The following USP3 variants were observed in gnomAD, a reference collection of about 807,000 sequenced individuals.
The protein encoded by USP3 is ubiquitin specific peptidase 3, also known as ubiquitin carboxyl-terminal hydrolase 3.
In USP3, 20 loss-of-function variants were observed where a neutral mutation model predicts 72.3. The ratio of observed to expected loss-of-function variants is 0.28; its 90% CI spans 0.19 to 0.40. The LOEUF is 0.40. USP3 is among the 10% of genes least tolerant of loss of function. The pLI is 1.00. For synonymous variants in USP3, 222 were observed against 225.3 expected (o/e 0.99, Z 0.13); for missense variants, 479 against 633.9 (o/e 0.76, Z 2.62).
intron 2 of USP3, among the ~76,000 whole-genome samples, chr15:63,536,809 G>A (rs1295811187): frequency 2.6e-5 from 4 of 151,352 alleles, no homozygotes; most frequent in African/African-American, 7.3e-5. Context: ...AGCCAAGATC[G>A]TGCCACTGCA....
chr15:63,588,672 A>C lies in USP3; in HGVS notation c.1216-30A>C, dbSNP rs772509054. The C allele has an allele frequency of 4.8e-5, 74 of 1,531,566 alleles. No individual in the cohort carries two copies. Among genetic ancestry groups the C allele is most frequent in the Admixed American group, 6.9e-5 (4 of 58,088 alleles). The allele number at this position is 1,531,566 out of a possible 1,614,324, so 94.9% of individuals were successfully genotyped here. A position where few individuals can be genotyped will look rare whatever the true frequency, so the allele number is the denominator to read the frequency against. ...TGACTGAAAGGTAAATTAGGTGTTCACAATCTTTGACCGCATCTCTGTCCT... is the reference window on the plus strand; with the variant it reads ...TGACTGAAAGGTAAATTAGGTGTTCCCAATCTTTGACCGCATCTCTGTCCT... On this transcript the variant is annotated intron_variant, in intron 12 of 14. Transcript: ENST00000380324. This position sits in a 1 kb window ranked among gnomAD's most constrained non-coding sequence, Gnocchi z 4.6.
intron 11 of USP3, among the ~76,000 whole-genome samples, chr15:63,577,942 A>C (rs934114111): frequency 2.0e-5 from 3 of 151,776 alleles, no homozygotes; most frequent in African/African-American, 7.3e-5. Flanking sequence ...AAAAAAAAAA[A>C]AAAAGTCCAA....
In USP3 at chr15:63,544,059, A is replaced by AG. The variant is rs2066284487; in HGVS notation, c.284+6905dup. The stretch of plus-strand genomic sequence containing the variant: ...ACACTGTCTTTAAAAAAAAAAAAAA[A>AG]GGAAATTAGTTTAATAATAGTATGA... On this transcript the variant is annotated intron_variant, in intron 3 of 14. Transcript: ENST00000380324. The surrounding 1 kb of genome is among the most constrained non-coding windows in gnomAD (Gnocchi z 4.2). Among the ~76,000 whole-genome samples the AG allele has an allele frequency of 6.6e-6, 1 of 151,262 alleles. No individual in the cohort carries two copies. Among genetic ancestry groups the AG allele is most frequent in the African/African-American group, 2.4e-5 (1 of 41,256 alleles).
rs1337578261 is a variant in USP3, at chr15:63,594,368, G to A, written c.*3542G>A. 6.6e-6 allele frequency: 1 copy of A among 152,288 alleles called. No individual in the cohort carries two copies. The highest frequency in any genetic ancestry group is 1.5e-5 in the Non-Finnish European group (1 of 68,112). The allele number at this position is 152,288 out of a possible 1,614,324, so 9.4% of individuals were successfully genotyped here. ...GTGAGGAAGGAGAAGTGGGCATGTG[G>A]TGTCATCTGTAGTCCAAGGTCTCTG... On this transcript the variant is annotated 3_prime_UTR_variant, in exon 15 of 15. Transcript: ENST00000380324.
At chr15:63,546,271 C>T (rs952717206) in intron 3 of USP3, among the ~76,000 whole-genome samples, 1 of 152,118 alleles carries the variant, frequency 6.6e-6, no homozygotes, top group African/African-American at 2.4e-5. Context: ...TTTTCAAATA[C>T]TATGGATTTC....
intron 1 of USP3, 194 bp from the exon 2 acceptor site, chr15:63,532,453 G>T: frequency 1.6e-6 from 1 of 636,306 alleles, no homozygotes; most frequent in South Asian, 1.9e-5. Flanking sequence ...CGCTGTTGTG[G>T]ACATGCATTT....
Position 63,588,232 on chromosome 15 carries a change from G to A in USP3, c.1097-73G>A, listed in dbSNP as rs2067114740. ...TAATAAAGCTGAGATTTTAAACCTG[G>A]GTCTTTTTTCTACAGTACATTGCCT... On this transcript the variant is annotated intron_variant, in intron 11 of 14. Transcript: ENST00000380324. This position sits in a 1 kb window ranked among gnomAD's most constrained non-coding sequence, Gnocchi z 4.6. 1 of 1,154,198 alleles carries A rather than the reference G, an allele frequency of 8.7e-7. No individual in the cohort carries two copies. The highest frequency in any genetic ancestry group is 1.6e-5 in the African/African-American group (1 of 64,018). The allele number at this position is 1,154,198 out of a possible 1,614,324, so 71.5% of individuals were successfully genotyped here. A position where few individuals can be genotyped will look rare whatever the true frequency, so the allele number is the denominator to read the frequency against.
intron 11 of USP3, among the ~76,000 whole-genome samples, chr15:63,580,660 AATATATATATGAAT>A (rs1291951746): frequency 1.3e-4 from 15 of 113,044 alleles, no homozygotes; most frequent in Non-Finnish European, 1.9e-4. Context: ...ATGAATATAT[AATATATATATGAAT>A]ATATAATATA....
intron 1 of USP3, among the ~76,000 whole-genome samples, chr15:63,531,307 T>C (rs1427542127): frequency 2.6e-5 from 4 of 152,180 alleles, no homozygotes; most frequent in Non-Finnish European, 5.9e-5. Context: ...TGAGTGTGTA[T>C]AGACAGTGAA....
rs1000019868 is a variant in USP3 at position 63,562,935 on chromosome 15, T to C, written c.688T>C (p.Trp230Arg). The C allele has an allele frequency of 1.2e-6, 2 of 1,612,970 alleles. No homozygotes were observed. The highest frequency in any genetic ancestry group is 2.7e-5 in the African/African-American group (2 of 74,926). ...GTTTAGAAAGACACTCTGTGCTTTA[T>C]GGCAAGGCAGCCAGACTGCATTTAG... is the stretch of plus-strand genomic sequence containing the variant. ...EEFRKTLCALWQGSQTAFSPE... is the reference protein window; with the variant it reads ...EEFRKTLCALRQGSQTAFSPE... The change falls in exon 8 of 15, where the codon TGG becomes CGG. Residue 230 changes from tryptophan (W) to arginine (R), a missense_variant. Trp to Arg is a moderately radical substitution (Grantham distance 101). Transcript: ENST00000380324.
In USP3 at chr15:63,593,619, C is replaced by T. The variant is rs2067243153; in HGVS notation, c.*2793C>T. On this transcript the variant is annotated 3_prime_UTR_variant, in exon 15 of 15. Coordinates refer to ENST00000380324, the MANE Select transcript of USP3 (RefSeq NM_006537.4). ...TTTTTATTGGTTGGTTTTACTTGAA[C>T]AGAAACGTTTGAATGGTGTGAAGAT... is the stretch of plus-strand genomic sequence containing the variant. The T allele has an allele frequency of 6.6e-6, 1 of 152,220 alleles. No individual in the cohort carries two copies. Among genetic ancestry groups the T allele is most frequent in the Admixed American group, 6.5e-5 (1 of 15,284 alleles). The allele number at this position is 152,220 out of a possible 1,614,324, so 9.4% of individuals were successfully genotyped here. A position where few individuals can be genotyped will look rare whatever the true frequency, so the allele number is the denominator to read the frequency against.
Position 63,588,560 on chromosome 15 carries a change from C to CAGAATGAATGCATAAGGTATGCATGGA in USP3, c.1216-134_1216-108dup. The CAGAATGAATGCATAAGGTATGCATGGA allele has an allele frequency of 1.1e-6, 1 of 930,418 alleles. No homozygotes were observed. The highest frequency in any genetic ancestry group is 2.3e-5 in the Admixed American group (1 of 44,440). The allele number at this position is 930,418 out of a possible 1,614,324, so 57.6% of individuals were successfully genotyped here. On this transcript the variant is annotated intron_variant, in intron 12 of 14. Transcript: ENST00000380324. This position sits in a 1 kb window ranked among gnomAD's most constrained non-coding sequence, Gnocchi z 4.6. ...TTTTCAGTAAAAGCTAAACCCCTTA[C>CAGAATGAATGCATAAGGTATGCATGGA]AGAATGAATGCATAAGGTATGCATG...
intron 14 of USP3, among the ~76,000 whole-genome samples, chr15:63,590,058 G>T (rs112635964): frequency 3.3e-5 from 5 of 152,068 alleles, no homozygotes; most frequent in African/African-American, 1.2e-4. Flanking sequence ...GTTCTTCCCG[G>T]TATTTCTTTC....
rs528036336 is a variant in USP3, at chr15:63,526,360, T to G, written c.92-6287T>G. On this transcript the variant is annotated intron_variant, in intron 1 of 14. Coordinates refer to ENST00000380324, the MANE Select transcript of USP3 (RefSeq NM_006537.4). ...CACTTAGTAATTTAGCAAGTTACAG[T>G]ACTGCTCTGTGCCTCAGTTTCCTCT... 4.6e-5 allele frequency among the ~76,000 whole-genome samples: 7 copies of G among 152,344 alleles called. No homozygotes were observed. The South Asian group carries it at 1.4e-3, about 32-fold the overall frequency.
At chr15:63,520,237 G>A (rs2065901808) in intron 1 of USP3, among the ~76,000 whole-genome samples, 1 of 152,150 alleles carries the variant, frequency 6.6e-6, no homozygotes, top group African/African-American at 2.4e-5. Context: ...AACACCACAA[G>A]CCTAGTCTTG....
intron 1 of USP3, among the ~76,000 whole-genome samples, chr15:63,531,939 T>C (rs1173077641): frequency 1.3e-5 from 2 of 152,184 alleles, no homozygotes; most frequent in African/African-American, 4.8e-5. Flanking sequence ...CAAAAAGCTT[T>C]CCAGGTGATT....
intron 2 of USP3, among the ~76,000 whole-genome samples, chr15:63,535,093 G>A (rs2152660426): frequency 6.6e-6 from 1 of 152,108 alleles, no homozygotes; most frequent in South Asian, 2.1e-4. Flanking sequence ...ACCAACCATG[G>A]CTAATTGTTG....
At chr15:63,576,546 A>C (rs1053493481) in intron 11 of USP3, among the ~76,000 whole-genome samples, 3 of 152,218 alleles carry the variant, frequency 2.0e-5, no homozygotes, top group African/African-American at 7.2e-5. Context: ...TGCATGACAC[A>C]GCTTATAGAT....
chr15:63,574,404 G>T lies in USP3; in HGVS notation c.1096+1G>T. On this transcript the variant is annotated splice_donor_variant, in intron 11 of 14. Transcript: ENST00000380324. LOFTEE classifies it high-confidence loss of function. The surrounding 1 kb of genome is among the most constrained non-coding windows in gnomAD (Gnocchi z 4.6). ...AATGGACCAGTTTGTTCGTTACGAGGTAAAGATACTTGAATGTTCTAAAAA... is the reference window on the plus strand; with the variant it reads ...AATGGACCAGTTTGTTCGTTACGAGTTAAAGATACTTGAATGTTCTAAAAA... The T allele has an allele frequency of 6.3e-7, 1 of 1,597,824 alleles. No individual in the cohort carries two copies. The highest frequency in any genetic ancestry group is 8.5e-7 in the Non-Finnish European group (1 of 1,174,312).
Sources: gnomAD v4.1 joint callset for allele counts (sites outside exome capture counted in the v4.1 genomes callset) on GRCh38, gnomAD v4.1.1 for gene constraint, Gnocchi (gnomAD v3.1) non-coding constraint, MANE v1.5 for transcripts, NCBI Gene and HGNC (gene_info 2026-07-23, HGNC 2026-07-21) for gene names.